The following ZFAT variants were observed in gnomAD, a reference collection of about 807,000 sequenced individuals.
ZFAT encodes the protein zinc finger protein ZFAT.
In ZFAT, 64 loss-of-function variants were observed where a neutral mutation model predicts 117.7. That is an observed-to-expected ratio of 0.54 (90% CI 0.44 to 0.67). The LOEUF (loss-of-function observed/expected upper bound fraction) is 0.67, where lower values mean the gene tolerates loss of function less well. ZFAT is among the 30% of genes least tolerant of loss of function. ZFAT has a pLI of 0.00. For synonymous variants in ZFAT, 679 were observed against 615.0 expected (o/e 1.10, Z -1.54); for missense variants, 1,433 against 1,584.5 (o/e 0.90, Z 1.62).
chr8:134,636,558 C>A (rs1431250269), intron 3 of ZFAT, among the ~76,000 whole-genome samples: 1 of 152,192 alleles, frequency 6.6e-6, no homozygotes, highest in East Asian at 1.9e-4. Flanking sequence ...GGAATGCAAA[C>A]CCAGACAGCC....
intron 3 of ZFAT, among the ~76,000 whole-genome samples, chr8:134,622,642 C>G (rs754564286): frequency 5.9e-5 from 9 of 152,144 alleles, no homozygotes; most frequent in Non-Finnish European, 8.8e-5. Context: ...CCCCTCCCCC[C>G]TCTCCACCCA....
At chr8:134,653,292 C>CAAAAAAAAA in intron 2 of ZFAT, among the ~76,000 whole-genome samples, 1 of 102,596 alleles carries the variant, frequency 9.7e-6, no homozygotes, top group South Asian at 2.7e-4. Context: ...AAAAAAAAAA[C>CAAAAAAAAA]AAAAAACAGG....
chr8:134,737,124 T>C, the ZFAT span, among the ~76,000 whole-genome samples: 5 of 151,808 alleles, frequency 3.3e-5, no homozygotes, highest in Non-Finnish European at 7.4e-5. Flanking sequence ...CTACTAAAAA[T>C]ACAAAATTAG....
At chr8:134,605,981 G>C (rs1232936902) in intron 5 of ZFAT, among the ~76,000 whole-genome samples, 2 of 152,164 alleles carry the variant, frequency 1.3e-5, no homozygotes, top group Non-Finnish European at 2.9e-5. Context: ...AGATTGACTT[G>C]GTCTAGGGAC....
intron 15 of ZFAT, among the ~76,000 whole-genome samples, chr8:134,500,744 A>AGTC: frequency 6.6e-6 from 1 of 152,228 alleles, no homozygotes; most frequent in East Asian, 1.9e-4. Context: ...AGGCCTACAA[A>AGTC]GGACAAGAGC....
At chr8:134,524,232 C>T (rs1586640591) in intron 12 of ZFAT, among the ~76,000 whole-genome samples, 1 of 152,170 alleles carries the variant, frequency 6.6e-6, no homozygotes, top group Admixed American at 6.5e-5. Context: ...TGCCTTGGTG[C>T]CGGTCTATCT....
chr8:134,814,214 T>C, the ZFAT span, among the ~76,000 whole-genome samples: 1 of 152,214 alleles, frequency 6.6e-6, no homozygotes, highest in African/African-American at 2.4e-5. Flanking sequence ...ACATCAACAA[T>C]GAACTCATGT....
chr8:134,616,629 C>T (rs558662410), intron 3 of ZFAT, among the ~76,000 whole-genome samples: 28 of 152,322 alleles, frequency 1.8e-4, no homozygotes, highest in African/African-American at 6.5e-4. Flanking sequence ...TGCTCCCCTC[C>T]AGCTTCCTTT....
chr8:134,632,199 T>G (rs529191082), intron 3 of ZFAT, among the ~76,000 whole-genome samples: 50 of 152,314 alleles, frequency 3.3e-4, no homozygotes, highest in Admixed American at 9.2e-4. Context: ...AAGATGAAGA[T>G]CTTTATGATG....
intron 1 of ZFAT, among the ~76,000 whole-genome samples, chr8:134,684,929 C>T (rs2131309961): frequency 6.6e-6 from 1 of 152,302 alleles, no homozygotes; most frequent in East Asian, 1.9e-4. Context: ...GGCACAGGAG[C>T]TCCCAGAGCT....
At chr8:134,803,299 C>T in the ZFAT span, among the ~76,000 whole-genome samples, 1 of 152,120 alleles carries the variant, frequency 6.6e-6, no homozygotes, top group Non-Finnish European at 1.5e-5. Context: ...ACAGTGTCAC[C>T]TGGTCAAACA....
At chr8:134,695,367 C>T (rs1038460405) in intron 1 of ZFAT, among the ~76,000 whole-genome samples, 1 of 147,186 alleles carries the variant, frequency 6.8e-6, no homozygotes, top group Non-Finnish European at 1.5e-5. Context: ...GCTGCCAGGC[C>T]CAGGCCCTCC....
chr8:134,567,566 A>G (rs984428451), intron 10 of ZFAT, among the ~76,000 whole-genome samples: 18 of 152,116 alleles, frequency 1.2e-4, no homozygotes, highest in African/African-American at 4.1e-4. Flanking sequence ...GATGATGTAC[A>G]GCATAAACCA....
intron 3 of ZFAT, among the ~76,000 whole-genome samples, chr8:134,614,498 C>A (rs2130989627): frequency 6.6e-6 from 1 of 152,322 alleles, no homozygotes; most frequent in South Asian, 2.1e-4. Context: ...ACACACAGAG[C>A]ACCGAACCAA....
chr8:134,563,885 G>A (rs367621799), intron 11 of ZFAT, among the ~76,000 whole-genome samples: 1 of 152,136 alleles, frequency 6.6e-6, no homozygotes, highest in African/African-American at 2.4e-5. Context: ...CCAGCTGCAG[G>A]ATTTCCCAGC....
intron 1 of ZFAT, among the ~76,000 whole-genome samples, chr8:134,686,453 C>T (rs1169582406): frequency 1.3e-5 from 2 of 152,156 alleles, no homozygotes; most frequent in African/African-American, 4.8e-5. Context: ...TGCGAACATT[C>T]ACTAAGCTGT....
chr8:134,725,583 C>T, the ZFAT span, among the ~76,000 whole-genome samples: 8 of 152,156 alleles, frequency 5.3e-5, no homozygotes, highest in South Asian at 1.7e-3. Context: ...ACAAAGGATC[C>T]ACCGCCACGA....
chr8:134,728,363 G>T, the ZFAT span, among the ~76,000 whole-genome samples: 1 of 151,914 alleles, frequency 6.6e-6, no homozygotes, highest in African/African-American at 2.4e-5. Flanking sequence ...ATAGAAACAG[G>T]CATGCAAGCT....
intron 1 of ZFAT, among the ~76,000 whole-genome samples, chr8:134,698,472 C>T (rs1415391688): frequency 6.6e-6 from 1 of 152,178 alleles, no homozygotes; most frequent in Non-Finnish European, 1.5e-5. Flanking sequence ...AGTAGTCTTG[C>T]TAAAGAATTC....
Sources: allele counts gnomAD v4.1 joint callset (sites outside exome capture counted in the v4.1 genomes callset), GRCh38; gene constraint gnomAD v4.1.1; transcripts MANE v1.5; gene names NCBI Gene and HGNC (gene_info 2026-07-23, HGNC 2026-07-21).